Variants in SHISA6 observed in about 807,000 individuals in gnomAD.
SHISA6 encodes the protein protein shisa-6.
A neutral mutation model predicts 47.9 loss-of-function variants in SHISA6; 22 were observed. The observed-to-expected ratio is 0.46, with a 90% CI of 0.33 to 0.66. The LOEUF (loss-of-function observed/expected upper bound fraction) is 0.66, where lower values mean the gene tolerates loss of function less well. Among genes scored for constraint, SHISA6 ranks in the 30% least tolerant of loss-of-function variants. The pLI, the probability that SHISA6 is intolerant of heterozygous loss-of-function variation, is 0.02. For synonymous variants in SHISA6, 388 were observed against 337.8 expected, an observed-to-expected ratio of 1.15 and a Z score of -1.63; for missense variants, 680 against 764.6, an observed-to-expected ratio of 0.89 and a Z score of 1.30.
At chr17:11,365,800 T>G (rs1257387916) in intron 2 of SHISA6, among the ~76,000 whole-genome samples, 1 of 152,188 alleles carries the variant, frequency 6.6e-6, no homozygotes, top group African/African-American at 2.4e-5. Flanking sequence ...GTGAACAAGA[T>G]AGTTTTATAG....
intron 3 of SHISA6, among the ~76,000 whole-genome samples, chr17:11,456,786 T>C (rs1181269178): frequency 6.6e-6 from 1 of 152,188 alleles, no homozygotes; most frequent in Non-Finnish European, 1.5e-5. Flanking sequence ...TCTGGGATTT[T>C]ATAAGAACCT....
intron 3 of SHISA6, among the ~76,000 whole-genome samples, chr17:11,481,011 G>A (rs1916198184): frequency 6.6e-6 from 1 of 152,154 alleles, no homozygotes; most frequent in African/African-American, 2.4e-5. Context: ...AGGTGTGGTG[G>A]CTTATGCCTA....
chr17:11,432,851 CAAATCTATAGA>C (rs1373368174), intron 3 of SHISA6, among the ~76,000 whole-genome samples: 1 of 151,462 alleles, frequency 6.6e-6, no homozygotes, highest in African/African-American at 2.4e-5. Context: ...CCAGAATAGG[CAAATCTATAGA>C]AACAGAAAGT....
At chr17:11,466,949 T>C (rs1915824306) in intron 3 of SHISA6, among the ~76,000 whole-genome samples, 1 of 152,136 alleles carries the variant, frequency 6.6e-6, no homozygotes, top group African/African-American at 2.4e-5. Flanking sequence ...GCCTCCTTCA[T>C]GCATGTCTCA....
At chr17:11,411,897 G>T (rs960138730) in intron 3 of SHISA6, among the ~76,000 whole-genome samples, 1 of 152,138 alleles carries the variant, frequency 6.6e-6, no homozygotes, top group Non-Finnish European at 1.5e-5. Context: ...GTTCAAATGG[G>T]CCTCTTCCTT....
intron 3 of SHISA6, among the ~76,000 whole-genome samples, chr17:11,544,918 G>A (rs578086135): frequency 8.7e-5 from 12 of 137,948 alleles, no homozygotes; most frequent in Admixed American, 4.0e-4. Context: ...CCAAGATCAC[G>A]CCACTGCACT....
intron 2 of SHISA6, among the ~76,000 whole-genome samples, chr17:11,320,828 G>C (rs1334444754): frequency 2.0e-5 from 3 of 152,170 alleles, no homozygotes; most frequent in African/African-American, 7.2e-5. Context: ...AGGAGGCAGA[G>C]AACTCATGTA....
intron 3 of SHISA6, among the ~76,000 whole-genome samples, chr17:11,545,564 T>A (rs1055772843): frequency 2.0e-5 from 3 of 152,228 alleles, no homozygotes; most frequent in Non-Finnish European, 2.9e-5. Context: ...CTTTCTGTAT[T>A]ATTCATTATA....
intron 3 of SHISA6, among the ~76,000 whole-genome samples, chr17:11,487,676 A>G (rs978621149): frequency 1.3e-5 from 2 of 152,198 alleles, no homozygotes; most frequent in African/African-American, 4.8e-5. Flanking sequence ...GACTGGAAAC[A>G]TTTCAATTTA....
intron 3 of SHISA6, among the ~76,000 whole-genome samples, chr17:11,401,284 C>T (rs1913763957): frequency 1.3e-5 from 2 of 152,236 alleles, no homozygotes; most frequent in African/African-American, 2.4e-5. Context: ...CAACTTCTGT[C>T]TCCCAGGCTC....
intron 2 of SHISA6, among the ~76,000 whole-genome samples, chr17:11,344,481 T>A (rs1165299727): frequency 1.3e-5 from 2 of 152,148 alleles, no homozygotes; most frequent in African/African-American, 4.8e-5. Flanking sequence ...GATTTATGAG[T>A]CAGCTTCATT....
intron 2 of SHISA6, among the ~76,000 whole-genome samples, chr17:11,318,340 A>G (rs994628192): frequency 1.3e-5 from 2 of 152,108 alleles, no homozygotes; most frequent in Admixed American, 6.6e-5. Context: ...GGATTTACAT[A>G]TTTCATGTAT....
chr17:11,495,571 C>T (rs2071401295), intron 3 of SHISA6, among the ~76,000 whole-genome samples: 1 of 152,134 alleles, frequency 6.6e-6, no homozygotes, highest in African/African-American at 2.4e-5. Context: ...GCCCTGTGTC[C>T]AGGGTTTCTT....
rs563320782 is a variant in SHISA6, at chr17:11,494,641, G to A, written c.896-57255G>A. Among the ~76,000 whole-genome samples the A allele has an allele frequency of 5.3e-5, 8 of 152,306 alleles. No individual in the cohort carries two copies. The South Asian group carries it at 1.2e-3, about 24-fold the overall frequency. On this transcript the variant is annotated intron_variant, in intron 3 of 5. Coordinates refer to ENST00000441885, the MANE Select transcript of SHISA6 (RefSeq NM_207386.4). ...CATAACAGAACTGAGGAAAGATAGG[G>A]CTTTAAAATTAGGCTGGAGCCATCA...
rs73284745 is a variant in SHISA6, at chr17:11,430,640, C to T, written c.895+51131C>T. ...AGAGAGCCCTATTTATGTCTTATGG[C>T]AGCATGAGGGCTCACCTTTACCTTG... On this transcript the variant is annotated intron_variant, in intron 3 of 5. Coordinates refer to ENST00000441885, the MANE Select transcript of SHISA6 (RefSeq NM_207386.4). 8.6e-3 allele frequency among the ~76,000 whole-genome samples: 1,309 copies of T among 152,182 alleles called. 21 individuals are homozygous for T. The highest frequency in any genetic ancestry group is 0.03 in the African/African-American group (1,241 of 41,502).
chr17:11,408,908 C>A (rs959260920), intron 3 of SHISA6, among the ~76,000 whole-genome samples: 2 of 152,098 alleles, frequency 1.3e-5, no homozygotes, highest in African/African-American at 2.4e-5. Context: ...TAGGACACAC[C>A]AAGACACTAT....
chr17:11,376,927 G>A (rs1200923552), intron 2 of SHISA6, among the ~76,000 whole-genome samples: 10 of 152,180 alleles, frequency 6.6e-5, no homozygotes, highest in Non-Finnish European at 1.2e-4. Flanking sequence ...TGTGGTGCAC[G>A]CTCAACTTTG....
At chr17:11,355,038 G>T (rs115840979) in intron 2 of SHISA6, among the ~76,000 whole-genome samples, 168 of 152,316 alleles carry the variant, frequency 1.1e-3, no homozygotes, top group African/African-American at 4.0e-3. Flanking sequence ...CCCAATAAAT[G>T]CAGGTAATTA....
At chr17:11,397,661 GCTTT>G (rs1475951296) in intron 3 of SHISA6, among the ~76,000 whole-genome samples, 1 of 149,604 alleles carries the variant, frequency 6.7e-6, no homozygotes, top group African/African-American at 2.5e-5. Context: ...TTGTTGCCTT[GCTTT>G]CTATGTTACT....
Sources: gnomAD v4.1 joint callset for allele counts (sites outside exome capture counted in the v4.1 genomes callset) on GRCh38, gnomAD v4.1.1 for gene constraint, MANE v1.5 for transcripts, NCBI Gene and HGNC (gene_info 2026-07-23, HGNC 2026-07-21) for gene names.